Variants in FAM9C observed in about 807,000 individuals in gnomAD.
FAM9C encodes family with sequence similarity 9 member C, also known as protein FAM9C.
In FAM9C, 15 loss-of-function variants were observed where a neutral mutation model predicts 14.8. The ratio of observed to expected loss-of-function variants is 1.02; its 90% confidence interval spans 0.68 to 1.56. The LOEUF is 1.56. FAM9C is among the 40% of genes most tolerant of loss of function. The pLI is 0.00. For missense variants in FAM9C, 116 were observed against 118.0 expected (o/e 0.98, Z 0.08); for synonymous variants, 45 against 37.5 (o/e 1.20, Z -0.74).
intron 2 of FAM9C, 101 bp from the exon 3 acceptor site, chrX:13,043,349 G>T (rs1264011011): frequency 4.9e-6 from 5 of 1,014,335 alleles, no homozygotes; most frequent in African/African-American, 1.9e-5. Context: ...TTGGCTCTCC[G>T]CCAATTAAAG....
intron 2 of FAM9C, 112 bp from the exon 3 acceptor site, chrX:13,043,360 C>A (rs2043544897): frequency 2.0e-6 from 2 of 987,582 alleles, no homozygotes; most frequent in Non-Finnish European, 2.7e-6. Context: ...CCAATTAAAG[C>A]TTTACCGCAG....
chrX:13,043,285 G>A, intron 2 of FAM9C, 37 bp from the exon 3 acceptor site: 3 of 1,175,728 alleles, frequency 2.6e-6, no homozygotes, highest in Middle Eastern at 2.4e-4. Flanking sequence ...TTTTTTAGAG[G>A]AAGACGCTGT....
chrX:13,044,321 A>ACCCCCCCC (rs748879259), intron 1 of FAM9C, among the ~76,000 whole-genome samples: 7 of 76,841 alleles, frequency 9.1e-5, no homozygotes, highest in African/African-American at 2.6e-4. Flanking sequence ...TGACCCCCCG[A>ACCCCCCCC]CCCCCCCCCA....
intron 6 of FAM9C, among the ~76,000 whole-genome samples, chrX:13,039,003 C>T (rs2043502651): frequency 1.8e-5 from 2 of 111,217 alleles, no homozygotes; most frequent in Non-Finnish European, 3.8e-5. Context: ...TTTTGTCATT[C>T]CCAGTGACTG....
chrX:13,040,629 A>G, intron 5 of FAM9C, 129 bp downstream of exon 5: 1 of 430,417 alleles, frequency 2.3e-6, no homozygotes, highest in Non-Finnish European at 3.8e-6. Context: ...CTGTTTAGGG[A>G]ACAATCAAGT....
chrX:13,039,657 G>C (rs2043508936), intron 6 of FAM9C, 151 bp downstream of exon 6: 1 of 913,381 alleles, frequency 1.1e-6, no homozygotes, highest in African/African-American at 2.0e-5. Flanking sequence ...ATGCTGCATG[G>C]CAATTATATT....
intron 2 of FAM9C, 80 bp downstream of exon 2, chrX:13,043,649 T>C (rs751518823): frequency 1.8e-6 from 2 of 1,127,828 alleles, no homozygotes; most frequent in Admixed American, 2.2e-5. Flanking sequence ...GGCCTCGGGC[T>C]GCCCATGTGC....
At chrX:13,036,640 T>A (rs2043481740) in intron 7 of FAM9C, 1 of 111,592 alleles carries the variant, frequency 9.0e-6, no homozygotes, top group Admixed American at 9.6e-5. Context: ...CATGACCTCA[T>A]CAAGTTAGAG....
At chrX:13,042,772 A>C in intron 4 of FAM9C, 146 bp downstream of exon 4, 1 of 647,976 alleles carries the variant, frequency 1.5e-6, no homozygotes, top group Admixed American at 2.9e-5. Context: ...AAGTAAGAAA[A>C]ATTATTAAAC....
chrX:13,038,016 G>T (rs1308641441), intron 7 of FAM9C: 1 of 113,955 alleles, frequency 8.8e-6, no homozygotes, highest in African/African-American at 3.2e-5. Context: ...AAGTAAAAAA[G>T]ACATCCAGAA....
chrX:13,039,952 T>G, intron 5 of FAM9C, 36 bp from the exon 6 acceptor site: 1 of 1,090,776 alleles, frequency 9.2e-7, no homozygotes, highest in Non-Finnish European at 1.2e-6. Context: ...TCATACGTCA[T>G]AGAGGGATGA....
chrX:13,038,562 A>G, intron 6 of FAM9C, 59 bp from the exon 7 acceptor site: 1 of 1,007,626 alleles, frequency 9.9e-7, no homozygotes. Context: ...CTTATAAAAC[A>G]TTCTGCATTA....
At chrX:13,038,194 C>T in intron 7 of FAM9C, 1 of 281,173 alleles carries the variant, frequency 3.6e-6, no homozygotes, top group Non-Finnish European at 6.2e-6. Flanking sequence ...ATAACTCCTA[C>T]AAAACTATTC....
chrX:13,044,112 T>C (rs1260925233), intron 1 of FAM9C, among the ~76,000 whole-genome samples: 4 of 111,442 alleles, frequency 3.6e-5, no homozygotes, highest in Non-Finnish European at 5.7e-5. Context: ...TGCCCCTGGG[T>C]TCCCCAGCGA....
At chrX:13,041,182 T>G (rs1225276770) in intron 4 of FAM9C, 1 of 119,467 alleles carries the variant, frequency 8.4e-6, no homozygotes, top group Non-Finnish European at 1.7e-5. Context: ...AATTTCTTTT[T>G]TTTTTTTTTT....
At chrX:13,042,888 C>T in intron 4 of FAM9C, 30 bp downstream of exon 4, 1 of 1,208,283 alleles carries the variant, frequency 8.3e-7, no homozygotes, top group Non-Finnish European at 1.1e-6. Flanking sequence ...AAACAATTTT[C>T]ATAAACCACA....
chrX:13,041,093 T>C (rs2043522390), intron 4 of FAM9C: 2 of 246,489 alleles, frequency 8.1e-6, no homozygotes, highest in South Asian at 1.9e-4. Context: ...ATCACTTAAT[T>C]GACAGATAAT....
rs902496707 is a variant in FAM9C at position 13,040,769 on chromosome X, T to A, written c.318A>T (p.Thr106=). 8.6e-7 allele frequency: 1 copy of A among 1,168,963 alleles called. No individual in the cohort carries two copies. Among genetic ancestry groups the A allele is most frequent in the Non-Finnish European group, 1.1e-6 (1 of 870,328 alleles). The part of the protein sequence containing the change: ...KNRIKNVLRT[T]QLKRQKRDYR... Reference sequence around the variant, plus strand: ...GCCAACAATCATACCTTTTTAGTTGTGTTGTTCTCAAAACATTTTTAATTC... The same window carrying A: ...GCCAACAATCATACCTTTTTAGTTGAGTTGTTCTCAAAACATTTTTAATTC... Residue 106 remains threonine, a synonymous_variant, in exon 5 of 8, where the codon ACA becomes ACT. Transcript: ENST00000380625.
At chrX:13,037,225 A>G (rs2043487172) in intron 7 of FAM9C, 1 of 112,410 alleles carries the variant, frequency 8.9e-6, no homozygotes, top group Admixed American at 9.5e-5. Context: ...GAGAGAACTC[A>G]GAAAAGAGTT....
Sources: allele counts gnomAD v4.1 joint callset (sites outside exome capture counted in the v4.1 genomes callset), GRCh38; gene constraint gnomAD v4.1.1; transcripts MANE v1.5; gene names NCBI Gene and HGNC (gene_info 2026-07-23, HGNC 2026-07-21).